The following HEMK2 variants were observed in gnomAD, a reference collection of about 807,000 sequenced individuals.
HEMK2 encodes methyltransferase HEMK2.
chr21:28,858,224 T>C, the HEMK2 span, among the ~76,000 whole-genome samples: 1 of 152,230 alleles, frequency 6.6e-6, no homozygotes, highest in Non-Finnish European at 1.5e-5. Context: ...GTCTACAATC[T>C]GTCAACTATG....
chr21:28,863,146 G>A, the HEMK2 span, among the ~76,000 whole-genome samples: 1 of 152,022 alleles, frequency 6.6e-6, no homozygotes, highest in African/African-American at 2.4e-5. Context: ...GGGAAAGGCA[G>A]ATCCACCTTT....
At chr21:28,576,393 G>C in the HEMK2 span, among the ~76,000 whole-genome samples, 3 of 152,074 alleles carry the variant, frequency 2.0e-5, no homozygotes, top group Non-Finnish European at 2.9e-5. Flanking sequence ...CTCTTGTGAA[G>C]TATCTCTTTC....
the HEMK2 span, among the ~76,000 whole-genome samples, chr21:28,589,427 C>A: frequency 2.0e-5 from 3 of 152,002 alleles, no homozygotes; most frequent in African/African-American, 7.3e-5. Context: ...AGGTATTACA[C>A]AAAGTAACTT....
At chr21:28,699,337 G>A in the HEMK2 span, among the ~76,000 whole-genome samples, 8 of 152,162 alleles carry the variant, frequency 5.3e-5, no homozygotes, top group Non-Finnish European at 8.8e-5. Flanking sequence ...TGTGTGGTGA[G>A]GGCCTGCTTC....
chr21:28,684,701 G>A, the HEMK2 span, among the ~76,000 whole-genome samples: 1 of 152,116 alleles, frequency 6.6e-6, no homozygotes, highest in Non-Finnish European at 1.5e-5. Flanking sequence ...CACGTGAATG[G>A]GGGATGCACA....
At chr21:28,704,755 TAATTTAAAGCC>T in the HEMK2 span, among the ~76,000 whole-genome samples, 11 of 152,246 alleles carry the variant, frequency 7.2e-5, no homozygotes, top group South Asian at 1.0e-3. Flanking sequence ...TACTCTGAAG[TAATTTAAAGCC>T]AATTTAAAGC....
the HEMK2 span, among the ~76,000 whole-genome samples, chr21:28,701,288 T>C: frequency 6.6e-6 from 1 of 152,074 alleles, no homozygotes; most frequent in Non-Finnish European, 1.5e-5. Flanking sequence ...CTAGAAGTCC[T>C]TGCCAGAGCA....
the HEMK2 span, among the ~76,000 whole-genome samples, chr21:28,609,221 C>T: frequency 6.6e-6 from 1 of 152,140 alleles, no homozygotes; most frequent in Non-Finnish European, 1.5e-5. Flanking sequence ...GGTCACATCA[C>T]AGGACTCTTT....
the HEMK2 span, among the ~76,000 whole-genome samples, chr21:28,623,957 A>G: frequency 1.3e-5 from 2 of 152,304 alleles, no homozygotes; most frequent in East Asian, 3.9e-4. Flanking sequence ...CGTTCTGCAC[A>G]TGTATCCCAG....
chr21:28,733,403 T>TC, the HEMK2 span, among the ~76,000 whole-genome samples: 1 of 152,238 alleles, frequency 6.6e-6, no homozygotes, highest in African/African-American at 2.4e-5. Context: ...TGGCTTTTTT[T>TC]CTCAGCTAAG....
the HEMK2 span, among the ~76,000 whole-genome samples, chr21:28,700,780 C>T: frequency 6.6e-6 from 1 of 152,098 alleles, no homozygotes; most frequent in African/African-American, 2.4e-5. Flanking sequence ...GGGCTCTTCC[C>T]TAACTCATTG....
the HEMK2 span, among the ~76,000 whole-genome samples, chr21:28,721,835 T>A: frequency 6.6e-6 from 1 of 151,780 alleles, no homozygotes; most frequent in Non-Finnish European, 1.5e-5. Flanking sequence ...TGAAGTGATT[T>A]GCCCCAGGTC....
the HEMK2 span, among the ~76,000 whole-genome samples, chr21:28,721,251 G>A: frequency 1.3e-5 from 2 of 152,044 alleles, no homozygotes; most frequent in East Asian, 1.9e-4. Flanking sequence ...TGGTAGCTGG[G>A]ACTACAGGCA....
the HEMK2 span, among the ~76,000 whole-genome samples, chr21:28,745,978 T>C: frequency 1.2e-4 from 18 of 152,144 alleles, no homozygotes. Flanking sequence ...AATCCTGAAA[T>C]AGAGCCAGGT....
At chr21:28,658,598 T>A in the HEMK2 span, among the ~76,000 whole-genome samples, 1 of 152,138 alleles carries the variant, frequency 6.6e-6, no homozygotes, top group East Asian at 1.9e-4. Flanking sequence ...TAAAAACAAA[T>A]GACATGTAAA....
At chr21:28,703,585 T>C in the HEMK2 span, among the ~76,000 whole-genome samples, 4 of 152,216 alleles carry the variant, frequency 2.6e-5, no homozygotes, top group Admixed American at 6.5e-5. Flanking sequence ...GCATCTTTTA[T>C]CTGCTCATCC....
the HEMK2 span, among the ~76,000 whole-genome samples, chr21:28,596,697 G>C: frequency 1.3e-5 from 2 of 152,212 alleles, no homozygotes; most frequent in Admixed American, 1.3e-4. Context: ...GCTTAATCTA[G>C]TAACCATAGC....
the HEMK2 span, among the ~76,000 whole-genome samples, chr21:28,763,761 G>C: frequency 0.016 from 2,492 of 152,166 alleles, 70 homozygotes; most frequent in African/African-American, 0.056. Flanking sequence ...TTCTTTTCAG[G>C]AGACACAGTG....
At chr21:28,611,465 C>T in the HEMK2 span, among the ~76,000 whole-genome samples, 2 of 152,096 alleles carry the variant, frequency 1.3e-5, no homozygotes, top group African/African-American at 4.8e-5. Flanking sequence ...TCTTTACATG[C>T]ATAAACTAGA....
Sources: allele counts gnomAD v4.1 joint callset (sites outside exome capture counted in the v4.1 genomes callset), GRCh38; gene constraint gnomAD v4.1.1; transcripts MANE v1.5; gene names NCBI Gene and HGNC (gene_info 2026-07-23, HGNC 2026-07-21).